NXPH1: variants seen among roughly 807,000 people sequenced by gnomAD.
NXPH1 encodes neurexophilin 1, also known as neurexophilin-1.
In NXPH1, 5 loss-of-function variants were observed where a neutral mutation model predicts 23.7. That is an observed-to-expected ratio of 0.21 (90% CI 0.11 to 0.44). NXPH1 has a LOEUF of 0.44. Ranked by LOEUF, NXPH1 falls within the 20% of genes least tolerant of loss-of-function variation. NXPH1 has a pLI of 0.99. For missense variants in NXPH1, 324 were observed against 321.6 expected, an observed-to-expected ratio of 1.01 and a Z score of -0.06; for synonymous variants, 144 against 122.2, an observed-to-expected ratio of 1.18 and a Z score of -1.18.
At chr7:8,711,685 C>G (rs966744225) in intron 2 of NXPH1, among the ~76,000 whole-genome samples, 1 of 152,018 alleles carries the variant, frequency 6.6e-6, no homozygotes, top group Non-Finnish European at 1.5e-5. Context: ...GGTGTGTATG[C>G]ATACATATGT....
chr7:8,531,000 A>T (rs1256204355), intron 2 of NXPH1, among the ~76,000 whole-genome samples: 1 of 152,162 alleles, frequency 6.6e-6, no homozygotes, highest in South Asian at 2.1e-4. Context: ...AAGGTTTTAT[A>T]TGTTGTAGTT....
intron 2 of NXPH1, among the ~76,000 whole-genome samples, chr7:8,664,149 C>T (rs1820724925): frequency 6.6e-6 from 1 of 152,022 alleles, no homozygotes; most frequent in African/African-American, 2.4e-5. Flanking sequence ...CTCTTTTTCT[C>T]CCATCTTCCT....
At chr7:8,512,066 A>T (rs1246316202) in intron 2 of NXPH1, among the ~76,000 whole-genome samples, 3 of 152,226 alleles carry the variant, frequency 2.0e-5, no homozygotes, top group South Asian at 4.1e-4. Flanking sequence ...CAGCTGCCAA[A>T]CTAGCCCCCT....
In NXPH1 at chr7:8,463,734, G is replaced by C. The variant is rs182493447; in HGVS notation, c.54+27967G>C. Among the ~76,000 whole-genome samples the C allele has an allele frequency of 4.6e-4, 70 of 152,186 alleles. 1 individual carries two copies. Among genetic ancestry groups the C allele is most frequent in the Middle Eastern group, 3.4e-3 (1 of 294 alleles). ...GCCATTTATATTGCTTTGTTCTATGGACTGTTCATTCCCTTTTTGAGTTAG... is the reference window on the plus strand; with the variant it reads ...GCCATTTATATTGCTTTGTTCTATGCACTGTTCATTCCCTTTTTGAGTTAG... On this transcript the variant is annotated intron_variant, in intron 2 of 2. Coordinates refer to ENST00000405863, the MANE Select transcript of NXPH1 (RefSeq NM_152745.3).
chr7:8,658,139 A>G (rs1044798116), intron 2 of NXPH1, among the ~76,000 whole-genome samples: 1 of 152,252 alleles, frequency 6.6e-6, no homozygotes, highest in African/African-American at 2.4e-5. Flanking sequence ...TTTTCAGACC[A>G]GTATTTAGTG....
intron 2 of NXPH1, among the ~76,000 whole-genome samples, chr7:8,750,156 C>T (rs1780539514): frequency 6.6e-6 from 1 of 152,114 alleles, no homozygotes; most frequent in South Asian, 2.1e-4. Context: ...TCAATATATT[C>T]ATTGCTTATT....
intron 2 of NXPH1, among the ~76,000 whole-genome samples, chr7:8,557,134 G>A (rs1224878262): frequency 6.6e-6 from 1 of 151,666 alleles, no homozygotes; most frequent in African/African-American, 2.4e-5. Context: ...TTGTCCAGAG[G>A]TTTAGAACCT....
intron 2 of NXPH1, among the ~76,000 whole-genome samples, chr7:8,547,598 T>G (rs1818217016): frequency 6.6e-6 from 1 of 151,410 alleles, no homozygotes; most frequent in African/African-American, 2.4e-5. Context: ...GCCCAAATAG[T>G]GAATATTGTA....
intron 2 of NXPH1, among the ~76,000 whole-genome samples, chr7:8,637,121 T>G (rs997827920): frequency 6.6e-6 from 1 of 152,158 alleles, no homozygotes; most frequent in Non-Finnish European, 1.5e-5. Flanking sequence ...GCCTTTACAC[T>G]TAAATCAAGA....
At chr7:8,556,335 T>C (rs1363925707) in intron 2 of NXPH1, among the ~76,000 whole-genome samples, 1 of 151,730 alleles carries the variant, frequency 6.6e-6, no homozygotes, top group African/African-American at 2.4e-5. Context: ...AACTCTGCTG[T>C]GTGTGATGTT....
intron 2 of NXPH1, among the ~76,000 whole-genome samples, chr7:8,526,137 C>A (rs551347628): frequency 6.6e-5 from 10 of 152,382 alleles, no homozygotes; most frequent in Non-Finnish European, 1.3e-4. Context: ...TGGGAACCCA[C>A]TTCTTGCATC....
At chr7:8,662,567 A>T (rs553916306) in intron 2 of NXPH1, among the ~76,000 whole-genome samples, 12 of 152,108 alleles carry the variant, frequency 7.9e-5, no homozygotes, top group Non-Finnish European at 1.8e-4. Flanking sequence ...TATTTTTTTT[A>T]AATTTGTGAA....
chr7:8,524,573 G>A (rs1817833264), intron 2 of NXPH1, among the ~76,000 whole-genome samples: 1 of 152,152 alleles, frequency 6.6e-6, no homozygotes, highest in Non-Finnish European at 1.5e-5. Context: ...ATGCCAAGGT[G>A]TCTGATATGG....
At chr7:8,491,521 T>C (rs1487142190) in intron 2 of NXPH1, among the ~76,000 whole-genome samples, 1 of 152,058 alleles carries the variant, frequency 6.6e-6, no homozygotes, top group Non-Finnish European at 1.5e-5. Flanking sequence ...ACGATCTCCA[T>C]TTGATTTTGA....
intron 2 of NXPH1, among the ~76,000 whole-genome samples, chr7:8,545,694 A>G (rs1455108245): frequency 6.6e-6 from 1 of 151,548 alleles, no homozygotes; most frequent in Non-Finnish European, 1.5e-5. Context: ...AATATTGATG[A>G]TTTTCATAAT....
chr7:8,655,172 GC>G (rs1390290868), intron 2 of NXPH1, among the ~76,000 whole-genome samples: 1 of 152,078 alleles, frequency 6.6e-6, no homozygotes, highest in Non-Finnish European at 1.5e-5. Context: ...ATTGCTTGAA[GC>G]CAGGAACTCG....
chr7:8,479,983 A>C lies in NXPH1; in HGVS notation c.54+44216A>C, dbSNP rs533728764. Among the ~76,000 whole-genome samples the C allele has an allele frequency of 2.6e-5, 4 of 152,238 alleles. No individual in the cohort carries two copies. The East Asian group carries it at 7.7e-4, about 29-fold the overall frequency. On this transcript the variant is annotated intron_variant, in intron 2 of 2. Coordinates refer to ENST00000405863, the MANE Select transcript of NXPH1 (RefSeq NM_152745.3). ...TCCTGCCTTTCCAATAAGATAAAAAATAATTAATAAATAAAATTAGAGATG... is the reference window on the plus strand; with the variant it reads ...TCCTGCCTTTCCAATAAGATAAAAACTAATTAATAAATAAAATTAGAGATG...
chr7:8,472,366 CATG>C (rs1816884244), intron 2 of NXPH1, among the ~76,000 whole-genome samples: 1 of 152,138 alleles, frequency 6.6e-6, no homozygotes, highest in Non-Finnish European at 1.5e-5. Context: ...CTTTGATATT[CATG>C]ATTTCATTTG....
rs183142253 is a variant in NXPH1, at chr7:8,505,297, G to A, written c.54+69530G>A. ...TTTTCAAAACTTTCCTAATAATTTGGACTCATTTTCAGTGCCAACAACCTT... is the reference window on the plus strand; with the variant it reads ...TTTTCAAAACTTTCCTAATAATTTGAACTCATTTTCAGTGCCAACAACCTT... On this transcript the variant is annotated intron_variant, in intron 2 of 2. Coordinates refer to ENST00000405863, the MANE Select transcript of NXPH1 (RefSeq NM_152745.3). Among the ~76,000 whole-genome samples, 5 of 151,894 alleles carry A rather than the reference G, an allele frequency of 3.3e-5. No individual in the cohort carries two copies. The East Asian group carries it at 5.9e-4, about 18-fold the overall frequency.
Sources: gnomAD v4.1 joint callset for allele counts (sites outside exome capture counted in the v4.1 genomes callset) on GRCh38, gnomAD v4.1.1 for gene constraint, MANE v1.5 for transcripts, NCBI Gene and HGNC (gene_info 2026-07-23, HGNC 2026-07-21) for gene names.